Variants in BFSP1 observed in about 807,000 individuals in gnomAD.
BFSP1 encodes the protein beaded filament structural protein 1, also known as filensin.
Under a neutral mutation model 43.9 loss-of-function variants are expected in BFSP1, and 38 were observed. That is an observed-to-expected ratio of 0.87 (90% CI 0.67 to 1.14). The LOEUF is 1.14. Among genes scored for constraint, BFSP1 ranks in the 50% most tolerant of loss-of-function variants. BFSP1 has a pLI of 0.00. For synonymous variants in BFSP1, 352 were observed against 354.8 expected (o/e 0.99, Z 0.09); for missense variants, 850 against 875.1 (o/e 0.97, Z 0.36).
At chr20:17,515,373 T>G (rs957170816) in intron 2 of BFSP1, among the ~76,000 whole-genome samples, 1 of 152,232 alleles carries the variant, frequency 6.6e-6, no homozygotes, top group Non-Finnish European at 1.5e-5. Context: ...AAAATTGTTT[T>G]CCCTTAAATC....
intron 1 of BFSP1, among the ~76,000 whole-genome samples, chr20:17,545,716 A>C (rs1004485599): frequency 7.2e-5 from 11 of 152,270 alleles, no homozygotes; most frequent in Admixed American, 4.6e-4. Context: ...TAGATGTCCC[A>C]ATACCAATAA....
rs185725275 is a variant in BFSP1, at chr20:17,513,599, A to T, written c.534+1122T>A. On this transcript the variant is annotated intron_variant, in intron 3 of 7. Transcript: ENST00000377873. The stretch of plus-strand genomic sequence containing the variant: ...AGGCCTGGTGTACTGATGCAGGTAC[A>T]CACTGAGGTAGGAAGGGAACTGGAA... 7.9e-5 allele frequency among the ~76,000 whole-genome samples: 12 copies of T among 152,346 alleles called. No individual in the cohort carries two copies. In the East Asian group the frequency reaches 2.3e-3, roughly 29 times the overall value.
intron 1 of BFSP1, among the ~76,000 whole-genome samples, chr20:17,568,293 T>C (rs1344618883): frequency 6.6e-6 from 1 of 151,596 alleles, no homozygotes; most frequent in South Asian, 2.1e-4. Context: ...GGTGGCAGAG[T>C]GGAGGACGAA....
chr20:17,546,610 G>A (rs1407626890), intron 1 of BFSP1, among the ~76,000 whole-genome samples: 2 of 152,080 alleles, frequency 1.3e-5, no homozygotes, highest in African/African-American at 4.8e-5. Context: ...GCTGAGGCAG[G>A]AGGATCCCTT....
chr20:17,499,403 C>A (rs1026239717), intron 5 of BFSP1, among the ~76,000 whole-genome samples: 268 of 82,088 alleles, frequency 3.3e-3, no homozygotes, highest in African/African-American at 0.011. Flanking sequence ...ACATGCTGGG[C>A]TTTTTTTTTT....
intron 1 of BFSP1, chr20:17,541,166 A>G: frequency 1.4e-6 from 1 of 723,588 alleles, no homozygotes; most frequent in Non-Finnish European, 1.7e-6. Context: ...TAGCCACTGC[A>G]CCCCATTCTG....
intron 4 of BFSP1, among the ~76,000 whole-genome samples, chr20:17,511,230 T>C (rs895545390): frequency 6.6e-6 from 1 of 152,166 alleles, no homozygotes; most frequent in Non-Finnish European, 1.5e-5. Flanking sequence ...ATTTGGAACA[T>C]AATATCAGAA....
chr20:17,550,945 A>C (rs888349806), intron 1 of BFSP1, among the ~76,000 whole-genome samples: 1 of 152,108 alleles, frequency 6.6e-6, no homozygotes, highest in African/African-American at 2.4e-5. Context: ...TTTACGATGG[A>C]GTTGATTTTA....
chr20:17,528,711 G>A (rs958691033), intron 1 of BFSP1, among the ~76,000 whole-genome samples: 1 of 152,162 alleles, frequency 6.6e-6, no homozygotes, highest in Non-Finnish European at 1.5e-5. Context: ...GGATTTTCAG[G>A]TCCCTTCTAC....
At chr20:17,544,036 C>G (rs1276620477) in intron 1 of BFSP1, among the ~76,000 whole-genome samples, 1 of 152,130 alleles carries the variant, frequency 6.6e-6, no homozygotes, top group Non-Finnish European at 1.5e-5. Flanking sequence ...AGCTTGAAGT[C>G]CCCCAGAAGC....
At chr20:17,558,786 C>G in exon 1 of BFSP1, 3 of 1,526,222 alleles carry the variant, frequency 2.0e-6, no homozygotes, top group Non-Finnish European at 2.6e-6. Flanking sequence ...CCCTGCCTAC[C>G]CAGGACTCCA....
rs561395667 is a variant in BFSP1, at chr20:17,530,956, C to T, written c.374G>A (p.Ser125Asn). Residue 125 changes from serine (S) to asparagine (N), a missense_variant, in exon 1 of 8, where the codon AGC becomes AAC. Transcript: ENST00000377873. ...EAQRALDEFRSKYENECECQL... is the reference protein window; with the variant it reads ...EAQRALDEFRNKYENECECQL... ...TCCCCCGATGGCCGCCGCTTACTTG[C>T]TTCGGAACTCGTCGAGCGCGCGCTG... The T allele has an allele frequency of 7.2e-4, 1,038 of 1,433,424 alleles. 1 individual carries two copies. The highest frequency in any genetic ancestry group is 2.4e-3 in the Middle Eastern group (10 of 4,166). 88.8% of individuals were successfully genotyped at this position (1,433,424 alleles called of 1,614,324 possible). A position where few individuals can be genotyped will look rare whatever the true frequency, so the allele number is the denominator to read the frequency against.
chr20:17,498,478 G>A (rs1390564460), intron 6 of BFSP1, among the ~76,000 whole-genome samples: 1 of 152,124 alleles, frequency 6.6e-6, no homozygotes, highest in African/African-American at 2.4e-5. Context: ...ATACTCCTGG[G>A]CATCCCACCT....
chr20:17,495,377 G>C (rs2033607235), intron 7 of BFSP1, among the ~76,000 whole-genome samples: 1 of 152,212 alleles, frequency 6.6e-6, no homozygotes. Context: ...CCTAGCCCCT[G>C]TTCCCACTGC....
upstream of BFSP1, among the ~76,000 whole-genome samples, chr20:17,533,303 G>A (rs553133340): frequency 3.5e-4 from 53 of 152,182 alleles, no homozygotes; most frequent in Non-Finnish European, 3.4e-4. Flanking sequence ...TGATAGCATG[G>A]TAAATTGACT....
At chr20:17,522,143 C>T (rs576602167) in intron 2 of BFSP1, among the ~76,000 whole-genome samples, 1 of 152,270 alleles carries the variant, frequency 6.6e-6, no homozygotes, top group African/African-American at 2.4e-5. Context: ...TCTCTGGCTT[C>T]GTGTCTGGCC....
chr20:17,514,811 A>G lies in BFSP1; in HGVS notation c.444T>C (p.Ala148=), dbSNP rs143752745. 2.9e-5 allele frequency: 47 copies of G among 1,613,478 alleles called. No individual in the cohort carries two copies. The highest frequency in any genetic ancestry group is 3.9e-5 in the Non-Finnish European group (46 of 1,179,788). The part of the protein sequence containing the change: ...KEMLERLNKE[A]DEALLHNLRL... ...GTAGGTTATGCAGCAAGGCTTCATC[A>G]GCTTCCTGCAATGAGAGCCACATAT... Residue 148 remains alanine (A), a synonymous_variant, in exon 3 of 8, where the codon GCT becomes GCC. Coordinates refer to ENST00000377873, the MANE Select transcript of BFSP1 (RefSeq NM_001195.5).
intron 7 of BFSP1, 60 bp from the exon 8 acceptor site, chr20:17,495,089 C>T (rs749490096): frequency 2.0e-5 from 29 of 1,473,612 alleles, no homozygotes; most frequent in Middle Eastern, 2.1e-4. Flanking sequence ...AAAGAAAATA[C>T]GCTGGTTGGA....
chr20:17,554,229 C>T lies in BFSP1; in HGVS notation c.2+4459G>A, dbSNP rs2034955047. On this transcript the variant is annotated intron_variant, in intron 1 of 7. Transcript: ENST00000377868. ...GTTTCTCAGGCCAATACTATCAAAG[C>T]TTTAAGGTACAGGTAAGTCTTGCCT... Among the ~76,000 whole-genome samples the T allele has an allele frequency of 2.0e-5, 3 of 152,096 alleles. No homozygotes were observed. The South Asian group carries it at 6.2e-4, about 31-fold the overall frequency.
Sources: gnomAD v4.1 joint callset for allele counts (sites outside exome capture counted in the v4.1 genomes callset) on GRCh38, gnomAD v4.1.1 for gene constraint, MANE v1.5 for transcripts, NCBI Gene and HGNC (gene_info 2026-07-23, HGNC 2026-07-21) for gene names.